ZBTB20: variants seen among roughly 807,000 people sequenced by gnomAD.
The protein encoded by ZBTB20 is zinc finger and BTB domain containing 20, also known as zinc finger and BTB domain-containing protein 20.
Under a neutral mutation model 56.9 loss-of-function variants are expected in ZBTB20, and 9 were observed. The observed-to-expected ratio is 0.16, with a 90% confidence interval of 0.10 to 0.28. ZBTB20 has a LOEUF of 0.28. Ranked by LOEUF, ZBTB20 falls within the 10% of genes least tolerant of loss-of-function variation. The probability of loss-of-function intolerance (pLI) is 1.00; values close to 1 mark genes in which losing one functional copy is unlikely to be tolerated. For synonymous variants in ZBTB20, 417 were observed against 420.7 expected, an observed-to-expected ratio of 0.99 and a Z score of 0.11; for missense variants, 655 against 1,003.0, an observed-to-expected ratio of 0.65 and a Z score of 4.69.
chr3:114,566,070 C>T (rs1349001156), intron 6 of ZBTB20, among the ~76,000 whole-genome samples: 4 of 149,786 alleles, frequency 2.7e-5, no homozygotes, highest in Non-Finnish European at 4.4e-5. Flanking sequence ...ACCCTATTTA[C>T]TTAGGATTCG....
chr3:114,734,519 C>T (rs1239669528), intron 5 of ZBTB20, among the ~76,000 whole-genome samples: 1 of 151,934 alleles, frequency 6.6e-6, no homozygotes, highest in African/African-American at 2.4e-5. Flanking sequence ...AGTGAAACAA[C>T]ATATAATGAA....
chr3:114,561,746 A>G (rs1041120232), intron 6 of ZBTB20, among the ~76,000 whole-genome samples: 10 of 152,058 alleles, frequency 6.6e-5, no homozygotes, highest in African/African-American at 2.4e-4. Context: ...CTAAATGGTA[A>G]ATAAACATTG....
chr3:115,077,231 A>G (rs1473063388), intron 1 of ZBTB20, among the ~76,000 whole-genome samples: 1 of 152,228 alleles, frequency 6.6e-6, no homozygotes, highest in Non-Finnish European at 1.5e-5. Flanking sequence ...ATAATGCACT[A>G]AGGAATTTGC....
intron 6 of ZBTB20, among the ~76,000 whole-genome samples, chr3:114,505,693 G>T (rs2044526844): frequency 6.6e-6 from 1 of 152,054 alleles, no homozygotes; most frequent in Non-Finnish European, 1.5e-5. Context: ...TCTTATGTGG[G>T]AGTCATTCCA....
intron 3 of ZBTB20, among the ~76,000 whole-genome samples, chr3:114,935,199 G>T (rs2076492999): frequency 2.0e-5 from 3 of 152,132 alleles, no homozygotes; most frequent in Admixed American, 2.0e-4. Flanking sequence ...TCCCTACCAT[G>T]TTCTTGGCAA....
intron 6 of ZBTB20, among the ~76,000 whole-genome samples, chr3:114,686,465 G>A (rs529877885): frequency 6.6e-6 from 1 of 152,266 alleles, no homozygotes; most frequent in South Asian, 2.1e-4. Context: ...CTTTTGTGAA[G>A]TATTAAGCCA....
At chr3:114,785,786 G>C (rs1002558574) in intron 5 of ZBTB20, among the ~76,000 whole-genome samples, 1 of 152,052 alleles carries the variant, frequency 6.6e-6, no homozygotes, top group Non-Finnish European at 1.5e-5. Flanking sequence ...TGTGTGTGCT[G>C]AGAATACTTC....
rs1171150699 is a variant in ZBTB20 at position 114,330,901 on chromosome 3, A to AAGAGCT, written c.*8103_*8104insAGCTCT. On this transcript the variant is annotated 3_prime_UTR_variant, in exon 12 of 12. Coordinates refer to ENST00000675478, the MANE Select transcript of ZBTB20 (RefSeq NM_001348800.3). ...GTGGCATTCTACTTCAATGCTTGAG[A>AAGAGCT]TGGGCAAGAGCAATCAATTCCTACA... 6 of 152,210 alleles carry AAGAGCT rather than the reference A, an allele frequency of 3.9e-5. No homozygotes were observed. The highest frequency in any genetic ancestry group is 3.9e-4 in the Admixed American group (6 of 15,276). The allele number at this position is 152,210 out of a possible 1,614,324, so 9.4% of individuals were successfully genotyped here.
chr3:115,091,080 G>A (rs915634133), intron 1 of ZBTB20, among the ~76,000 whole-genome samples: 2 of 151,786 alleles, frequency 1.3e-5, no homozygotes, highest in African/African-American at 4.8e-5. Context: ...AGAATAGAAG[G>A]AGAGTGGAGC....
intron 5 of ZBTB20, among the ~76,000 whole-genome samples, chr3:114,751,956 T>C (rs922613099): frequency 6.6e-6 from 1 of 152,176 alleles, no homozygotes; most frequent in African/African-American, 2.4e-5. Flanking sequence ...GGACAAAATA[T>C]ATTTTCAGCA....
At chr3:114,891,255 G>A (rs2076796373) in intron 4 of ZBTB20, among the ~76,000 whole-genome samples, 1 of 152,132 alleles carries the variant, frequency 6.6e-6, no homozygotes. Flanking sequence ...GCTGAATTTA[G>A]AACATTGACT....
chr3:114,424,808 T>C (rs1576695593), intron 7 of ZBTB20, among the ~76,000 whole-genome samples: 1 of 152,184 alleles, frequency 6.6e-6, no homozygotes, highest in African/African-American at 2.4e-5. Flanking sequence ...GCACATCTTT[T>C]GTACCATGGC....
intron 5 of ZBTB20, among the ~76,000 whole-genome samples, chr3:114,704,467 TCAA>T (rs571285334): frequency 2.5e-4 from 38 of 152,226 alleles, no homozygotes; most frequent in Admixed American, 9.2e-4. Context: ...TGAGCTTACT[TCAA>T]CAACCATGCA....
intron 2 of ZBTB20, among the ~76,000 whole-genome samples, chr3:115,008,586 G>GA (rs995985101): frequency 1.4e-4 from 21 of 151,904 alleles, no homozygotes; most frequent in Admixed American, 3.3e-4. Context: ...TTTTACATAT[G>GA]AAAAAACAGT....
chr3:114,353,533 G>A (rs116361033), intron 10 of ZBTB20, among the ~76,000 whole-genome samples: 1,871 of 152,224 alleles, frequency 0.012, 43 homozygotes, highest in African/African-American at 0.043. Flanking sequence ...AGATTCCATC[G>A]TTTTTACTTA....
intron 1 of ZBTB20, among the ~76,000 whole-genome samples, chr3:115,129,895 T>C (rs1432122463): frequency 6.6e-6 from 1 of 152,224 alleles, no homozygotes; most frequent in African/African-American, 2.4e-5. Flanking sequence ...TCCACTCTTC[T>C]ATCTGTTGGA....
intron 2 of ZBTB20, among the ~76,000 whole-genome samples, chr3:115,036,038 G>C (rs976737834): frequency 6.6e-6 from 1 of 152,156 alleles, no homozygotes; most frequent in African/African-American, 2.4e-5. Flanking sequence ...CATAAAGACA[G>C]AAAGTACAAC....
At chr3:114,592,077 C>G (rs992317030) in intron 6 of ZBTB20, among the ~76,000 whole-genome samples, 2 of 152,104 alleles carry the variant, frequency 1.3e-5, no homozygotes, top group African/African-American at 4.8e-5. Context: ...TGTATGTAGT[C>G]TAGATTATCA....
intron 3 of ZBTB20, among the ~76,000 whole-genome samples, chr3:114,914,371 GATT>G (rs968877483): frequency 4.6e-5 from 7 of 151,784 alleles, no homozygotes; most frequent in Non-Finnish European, 1.0e-4. Context: ...TTCTTTTTCA[GATT>G]ATTCACCATT....
Sources: allele counts gnomAD v4.1 joint callset (sites outside exome capture counted in the v4.1 genomes callset), GRCh38; gene constraint gnomAD v4.1.1; transcripts MANE v1.5; gene names NCBI Gene and HGNC (gene_info 2026-07-23, HGNC 2026-07-21).